Variants in TRIP4 observed in about 807,000 individuals in gnomAD.
TRIP4 encodes the protein thyroid hormone receptor interactor 4.
Under a neutral mutation model 81.8 loss-of-function variants are expected in TRIP4, and 54 were observed. The ratio of observed to expected loss-of-function variants is 0.66; its 90% CI spans 0.53 to 0.83. The LOEUF is 0.83. Ranked by LOEUF, TRIP4 falls within the 40% of genes least tolerant of loss-of-function variation. The pLI is 0.00. For missense variants in TRIP4, 662 were observed against 683.6 expected (o/e 0.97, Z 0.35); for synonymous variants, 270 against 242.8 (o/e 1.11, Z -1.04).
intron 11 of TRIP4, among the ~76,000 whole-genome samples, chr15:64,431,847 A>ATATATATATATATATATATTTTTTT: frequency 8.4e-6 from 1 of 119,558 alleles, no homozygotes; most frequent in African/African-American, 3.3e-5. Context: ...ATATATATAT[A>ATATATATATATATATATATTTTTTT]TTTTTTTTAT....
At chr15:64,395,038 G>C (rs1438692513) in intron 2 of TRIP4, among the ~76,000 whole-genome samples, 1 of 152,048 alleles carries the variant, frequency 6.6e-6, no homozygotes, top group South Asian at 2.1e-4. Context: ...TAGAGATAGG[G>C]TCTCACTCTG....
At chr15:64,394,594 G>C (rs1209059717) in intron 2 of TRIP4, among the ~76,000 whole-genome samples, 1 of 127,718 alleles carries the variant, frequency 7.8e-6, no homozygotes, top group Non-Finnish European at 1.6e-5. Flanking sequence ...GACAGAGCGA[G>C]ACTCCATCTC....
chr15:64,395,940 G>A (rs1976062), intron 3 of TRIP4, among the ~76,000 whole-genome samples: 111,959 of 150,142 alleles, frequency 0.75, 45,136 homozygotes, highest in East Asian at 0.96. Context: ...ACAGAGTCTC[G>A]CTCTGTCGCC....
chr15:64,436,659 G>C (rs935781018), intron 11 of TRIP4, among the ~76,000 whole-genome samples: 24 of 145,930 alleles, frequency 1.6e-4, no homozygotes, highest in African/African-American at 5.8e-4. Context: ...TCCCTAACAG[G>C]ATTAATTTCC....
chr15:64,433,605 A>G (rs944925628), intron 11 of TRIP4, among the ~76,000 whole-genome samples: 2 of 152,182 alleles, frequency 1.3e-5, no homozygotes, highest in African/African-American at 2.4e-5. Context: ...CTCCATCTCA[A>G]AAAATAAATA....
chr15:64,410,389 C>G (rs189793312), intron 7 of TRIP4, among the ~76,000 whole-genome samples: 318 of 152,148 alleles, frequency 2.1e-3, no homozygotes, highest in Non-Finnish European at 3.5e-3. Context: ...GAAACAGAAT[C>G]CAGAAAGAGA....
At chr15:64,409,882 G>A in intron 7 of TRIP4, 54 bp downstream of exon 7, 1 of 1,509,990 alleles carries the variant, frequency 6.6e-7, no homozygotes. Flanking sequence ...TGACCATAAA[G>A]GATTTTCCCT....
intron 10 of TRIP4, 104 bp downstream of exon 10, chr15:64,424,259 G>A: frequency 1.3e-6 from 2 of 1,509,368 alleles, no homozygotes; most frequent in Admixed American, 2.0e-5. Flanking sequence ...TTTGTTAAAA[G>A]AGACTTTTAA....
At chr15:64,394,402 G>A (rs553147422) in intron 2 of TRIP4, among the ~76,000 whole-genome samples, 197 of 152,158 alleles carry the variant, frequency 1.3e-3, no homozygotes, top group Non-Finnish European at 1.7e-3. Flanking sequence ...TCAGGAGATC[G>A]AGACCATCGT....
chr15:64,446,686 G>A (rs543420845), intron 12 of TRIP4, among the ~76,000 whole-genome samples: 3 of 151,848 alleles, frequency 2.0e-5, no homozygotes, highest in Non-Finnish European at 4.4e-5. Flanking sequence ...ACAGGCGTGA[G>A]CCACTGTACC....
chr15:64,428,730 T>C (rs564332088), intron 11 of TRIP4, among the ~76,000 whole-genome samples: 1 of 152,148 alleles, frequency 6.6e-6, no homozygotes, highest in South Asian at 2.1e-4. Context: ...TGCCTCACCC[T>C]CCTGAGTAGC....
intron 2 of TRIP4, 81 bp from the exon 3 acceptor site, chr15:64,395,317 A>T: frequency 1.7e-6 from 2 of 1,205,770 alleles, no homozygotes; most frequent in Non-Finnish European, 2.2e-6. Context: ...GCATCACCTT[A>T]GTTTATTAGC....
intron 11 of TRIP4, among the ~76,000 whole-genome samples, chr15:64,443,105 C>T (rs144040587): frequency 6.6e-6 from 1 of 152,062 alleles, no homozygotes; most frequent in East Asian, 1.9e-4. Context: ...TGAAAGCCTA[C>T]TTATAGTGAA....
intron 11 of TRIP4, among the ~76,000 whole-genome samples, chr15:64,438,101 C>T (rs187959047): frequency 6.0e-4 from 91 of 152,282 alleles, no homozygotes; most frequent in East Asian, 4.0e-3. Flanking sequence ...ACATTAATAA[C>T]ACCAGATTGC....
chr15:64,419,852 G>T (rs1362630601), intron 9 of TRIP4, among the ~76,000 whole-genome samples: 3 of 151,346 alleles, frequency 2.0e-5, no homozygotes, highest in African/African-American at 7.3e-5. Flanking sequence ...GTCTTGCTCT[G>T]TCACCCAGGC....
Position 64,425,226 on chromosome 15 carries a change from A to G in TRIP4, c.1484-314A>G, listed in dbSNP as rs543135250. On this transcript the variant is annotated intron_variant, in intron 10 of 12. Coordinates refer to ENST00000261884, the MANE Select transcript of TRIP4 (RefSeq NM_016213.5). Reference sequence around the variant, plus strand: ...CAAAACTCATCACTGCCAAACTCCAATCTGATCCAATGGCGTATAGTAGAA... The same window carrying G: ...CAAAACTCATCACTGCCAAACTCCAGTCTGATCCAATGGCGTATAGTAGAA... 5.2e-4 allele frequency among the ~76,000 whole-genome samples: 79 copies of G among 152,154 alleles called. No homozygotes were observed. The Middle Eastern group carries it at 0.017, about 33-fold the overall frequency.
intron 11 of TRIP4, among the ~76,000 whole-genome samples, chr15:64,436,375 C>T (rs538210490): frequency 4.0e-5 from 6 of 151,134 alleles, no homozygotes; most frequent in East Asian, 2.0e-4. Context: ...GGGCAGATCA[C>T]GAGGTCAGGA....
At chr15:64,401,135 CTTTT>C (rs770677961) in intron 5 of TRIP4, among the ~76,000 whole-genome samples, 5 of 135,408 alleles carry the variant, frequency 3.7e-5, no homozygotes, top group Admixed American at 7.5e-5. Context: ...CTAATATTTA[CTTTT>C]TTTTTTTTTT....
intron 10 of TRIP4, among the ~76,000 whole-genome samples, chr15:64,425,126 C>T (rs916342266): frequency 4.6e-5 from 7 of 152,012 alleles, no homozygotes; most frequent in Non-Finnish European, 1.0e-4. Flanking sequence ...GTTTTAAAGA[C>T]ATTCATTCTT....
Sources: allele counts gnomAD v4.1 joint callset (sites outside exome capture counted in the v4.1 genomes callset), GRCh38; gene constraint gnomAD v4.1.1; transcripts MANE v1.5; gene names NCBI Gene and HGNC (gene_info 2026-07-23, HGNC 2026-07-21).